Variants in INSR observed in about 807,000 individuals in gnomAD.
The protein encoded by INSR is insulin receptor.
In INSR, 67 loss-of-function variants were observed where a neutral mutation model predicts 142.6. That is an observed-to-expected ratio of 0.47 (90% CI 0.39 to 0.58). The LOEUF is 0.58. INSR is among the 20% of genes least tolerant of loss of function. The probability of loss-of-function intolerance (pLI) is 0.00; values close to 1 mark genes in which losing one functional copy is unlikely to be tolerated. For missense variants in INSR, 1,248 were observed against 1,833.2 expected (o/e 0.68, Z 5.83); for synonymous variants, 756 against 743.1 (o/e 1.02, Z -0.28).
intron 1 of INSR, among the ~76,000 whole-genome samples, chr19:7,269,038 C>CCACACCCA (rs1555690136): frequency 2.0e-5 from 3 of 146,958 alleles, no homozygotes; most frequent in Middle Eastern, 3.5e-3. Context: ...ACCCACACAC[C>CCACACCCA]CACACACACA....
chr19:7,213,904 C>T (rs1232157011), intron 2 of INSR, among the ~76,000 whole-genome samples: 2 of 152,024 alleles, frequency 1.3e-5, no homozygotes, highest in African/African-American at 4.8e-5. Context: ...GCAGGAGAAT[C>T]GCTTGAACCC....
At chr19:7,227,289 T>A (rs79669901) in intron 2 of INSR, among the ~76,000 whole-genome samples, 2 of 142,582 alleles carry the variant, frequency 1.4e-5, no homozygotes, top group Non-Finnish European at 1.5e-5. Context: ...TTTTTTTTTT[T>A]AAAGACAGGG....
At chr19:7,188,274 G>C (rs564846406) in intron 2 of INSR, among the ~76,000 whole-genome samples, 4 of 151,950 alleles carry the variant, frequency 2.6e-5, no homozygotes, top group Admixed American at 6.6e-5. Context: ...GGCTGGGCGC[G>C]GGGGCTCACA....
rs371310708 is a variant in INSR at position 7,160,443 on chromosome 19, G to A, written c.2029+2589C>T. Among the ~76,000 whole-genome samples, 219 of 151,712 alleles carry A rather than the reference G, an allele frequency of 1.4e-3. 1 individual carries two copies. Among genetic ancestry groups the A allele is most frequent in the African/African-American group, 4.7e-3 (193 of 41,392 alleles). On this transcript the variant is annotated intron_variant, in intron 9 of 21. Transcript: ENST00000302850. ...ATTACAGGCATGAGCCACTGTGCCC[G>A]GCCTAAAAAATTATTTTAAATAATT...
In INSR at chr19:7,152,408, A is replaced by G. The variant is rs867172653; in HGVS notation, c.2231+318T>C. 3,300 of 373,296 alleles carry G rather than the reference A, an allele frequency of 8.8e-3. 124 individuals carry two copies. Among genetic ancestry groups the G allele is most frequent in the African/African-American group, 0.063 (3,003 of 47,466 alleles). 23.1% of individuals were successfully genotyped at this position (373,296 alleles called of 1,614,324 possible). A position where few individuals can be genotyped will look rare whatever the true frequency, so the allele number is the denominator to read the frequency against. ...AAAAAAAAAAAAGAGAGAGAGAGAA[A>G]AAAAAAAATGTTAATCGTCTAACGG... On this transcript the variant is annotated intron_variant, in intron 10 of 21. Coordinates refer to ENST00000302850, the MANE Select transcript of INSR (RefSeq NM_000208.4).
chr19:7,154,083 C>T (rs546778792), intron 9 of INSR, among the ~76,000 whole-genome samples: 6 of 151,868 alleles, frequency 4.0e-5, no homozygotes, highest in Non-Finnish European at 1.5e-5. Context: ...ATCGCTTGAA[C>T]CTGGGAGGTG....
intron 1 of INSR, among the ~76,000 whole-genome samples, chr19:7,281,188 C>A (rs1252153136): frequency 6.6e-6 from 1 of 152,146 alleles, no homozygotes; most frequent in Non-Finnish European, 1.5e-5. Flanking sequence ...AGAAGTCCTG[C>A]CAGACCAGAA....
intron 2 of INSR, among the ~76,000 whole-genome samples, chr19:7,185,694 T>G (rs1429220157): frequency 6.9e-6 from 1 of 145,936 alleles, no homozygotes; most frequent in Non-Finnish European, 1.5e-5. Context: ...AATACAAAAA[T>G]TAGCTAGGTG....
At chr19:7,246,354 A>T (rs1343476201) in intron 2 of INSR, among the ~76,000 whole-genome samples, 1 of 152,210 alleles carries the variant, frequency 6.6e-6, no homozygotes, top group Non-Finnish European at 1.5e-5. Context: ...ATCTAAGCCC[A>T]AACTAGCCAA....
chr19:7,146,339 T>A (rs1973188204), intron 11 of INSR, among the ~76,000 whole-genome samples: 1 of 151,476 alleles, frequency 6.6e-6, no homozygotes, highest in Admixed American at 6.6e-5. Context: ...CCTCCCAGGT[T>A]CAAGCGATTC....
intron 2 of INSR, among the ~76,000 whole-genome samples, chr19:7,223,542 G>C (rs2145105454): frequency 6.6e-6 from 1 of 152,286 alleles, no homozygotes; most frequent in African/African-American, 2.4e-5. Context: ...TCACCCTAGT[G>C]ACCCAATTTT....
intron 2 of INSR, among the ~76,000 whole-genome samples, chr19:7,212,836 C>T (rs1975316841): frequency 6.6e-6 from 1 of 152,002 alleles, no homozygotes; most frequent in South Asian, 2.1e-4. Flanking sequence ...ATCCACCAAC[C>T]TCAGCCTCCC....
intron 2 of INSR, among the ~76,000 whole-genome samples, chr19:7,245,716 G>T (rs1389897848): frequency 6.6e-6 from 1 of 151,272 alleles, no homozygotes; most frequent in Non-Finnish European, 1.5e-5. Context: ...AAAATGCTGG[G>T]ATTGCAGGCA....
intron 2 of INSR, among the ~76,000 whole-genome samples, chr19:7,218,093 C>T (rs753253558): frequency 6.6e-6 from 1 of 151,554 alleles, no homozygotes; most frequent in Non-Finnish European, 1.5e-5. Context: ...GATTGCAAAA[C>T]GGTGAGCAAA....
At chr19:7,245,257 G>T (rs767434014) in intron 2 of INSR, among the ~76,000 whole-genome samples, 1 of 151,592 alleles carries the variant, frequency 6.6e-6, no homozygotes, top group Non-Finnish European at 1.5e-5. Flanking sequence ...TTATATGAGA[G>T]TGAGAGGAGG....
intron 2 of INSR, among the ~76,000 whole-genome samples, chr19:7,253,737 T>G (rs985490537): frequency 6.6e-6 from 1 of 152,046 alleles, no homozygotes; most frequent in African/African-American, 2.4e-5. Flanking sequence ...TGTTTAAAAA[T>G]GAGCAAACGG....
intron 2 of INSR, among the ~76,000 whole-genome samples, chr19:7,257,527 CAAA>C (rs55712056): frequency 2.3e-5 from 2 of 85,190 alleles, no homozygotes; most frequent in Non-Finnish European, 2.3e-5. Context: ...CAGAGAGCTC[CAAA>C]AAAAAAAAAA....
chr19:7,233,835 C>A (rs540149667), intron 2 of INSR, among the ~76,000 whole-genome samples: 1 of 150,338 alleles, frequency 6.7e-6, no homozygotes, highest in South Asian at 2.1e-4. Context: ...GCCACCACAC[C>A]CGGCTAATTT....
intron 2 of INSR, among the ~76,000 whole-genome samples, chr19:7,240,099 C>T (rs986015536): frequency 5.9e-5 from 9 of 152,152 alleles, no homozygotes; most frequent in Non-Finnish European, 7.4e-5. Flanking sequence ...ATGTGCTTTA[C>T]GTGCAAAATA....
Sources: allele counts gnomAD v4.1 joint callset (sites outside exome capture counted in the v4.1 genomes callset), GRCh38; gene constraint gnomAD v4.1.1; transcripts MANE v1.5; gene names NCBI Gene and HGNC (gene_info 2026-07-23, HGNC 2026-07-21).